Variants in WDR70 observed in about 807,000 individuals in gnomAD.
The protein encoded by WDR70 is WD repeat domain 70.
WDR70 carries 53 observed loss-of-function variants against 88.6 expected under a neutral mutation model. The observed-to-expected ratio is 0.60, with a 90% confidence interval of 0.48 to 0.75. The LOEUF (loss-of-function observed/expected upper bound fraction) is 0.75. Among genes scored for constraint, WDR70 ranks in the 30% least tolerant of loss-of-function variants. The probability of loss-of-function intolerance (pLI) is 0.00; values close to 1 mark genes in which losing one functional copy is unlikely to be tolerated. For synonymous variants in WDR70, 280 were observed against 270.0 expected (o/e 1.04, Z -0.36); for missense variants, 610 against 823.2 (o/e 0.74, Z 3.17).
At chr5:37,740,609 AT>A (rs1347328835) in intron 17 of WDR70, among the ~76,000 whole-genome samples, 1 of 152,198 alleles carries the variant, frequency 6.6e-6, no homozygotes, top group African/African-American at 2.4e-5. Flanking sequence ...TCTGTGGGCC[AT>A]ACTTTGCTTC....
At chr5:37,677,859 G>A (rs926702826) in intron 10 of WDR70, among the ~76,000 whole-genome samples, 4 of 152,118 alleles carry the variant, frequency 2.6e-5, no homozygotes, top group African/African-American at 9.7e-5. Context: ...ATTATTGTGT[G>A]GGAGTCTAAA....
chr5:37,576,268 G>A (rs759931838), intron 9 of WDR70, among the ~76,000 whole-genome samples: 16 of 151,506 alleles, frequency 1.1e-4, no homozygotes, highest in Non-Finnish European at 1.9e-4. Context: ...TCCAGCCACA[G>A]CTTACCTCCA....
intron 5 of WDR70, among the ~76,000 whole-genome samples, chr5:37,415,601 C>G (rs1226251951): frequency 3.6e-5 from 5 of 138,164 alleles, no homozygotes; most frequent in Non-Finnish European, 8.0e-5. Flanking sequence ...GGCGGCTGGC[C>G]GGGCGAGGGG....
intron 17 of WDR70, among the ~76,000 whole-genome samples, chr5:37,737,060 A>T (rs954103677): frequency 2.0e-5 from 3 of 152,184 alleles, no homozygotes; most frequent in Non-Finnish European, 2.9e-5. Context: ...AATATATTCT[A>T]CATACTGCTT....
intron 8 of WDR70, chr5:37,506,305 C>A: frequency 1.1e-6 from 1 of 930,508 alleles, no homozygotes. Context: ...ATTGCCACTT[C>A]TAGGTGTTCA....
intron 13 of WDR70, among the ~76,000 whole-genome samples, chr5:37,704,061 C>T (rs982744427): frequency 1.3e-5 from 2 of 152,082 alleles, no homozygotes; most frequent in South Asian, 2.1e-4. Context: ...TCTTAATTTG[C>T]GGGTTCTGAA....
chr5:37,684,483 A>G (rs1487109233), intron 10 of WDR70, among the ~76,000 whole-genome samples: 4 of 152,054 alleles, frequency 2.6e-5, no homozygotes, highest in South Asian at 2.1e-4. Context: ...CTTTTATCCT[A>G]TTTGATGACT....
At chr5:37,440,127 A>C (rs1274539588) in intron 6 of WDR70, among the ~76,000 whole-genome samples, 3 of 152,114 alleles carry the variant, frequency 2.0e-5, no homozygotes, top group African/African-American at 7.2e-5. Flanking sequence ...AATTATCATC[A>C]TGTTTATTTT....
At chr5:37,418,476 C>T (rs534883720) in intron 5 of WDR70, among the ~76,000 whole-genome samples, 15 of 152,154 alleles carry the variant, frequency 9.9e-5, no homozygotes, top group Non-Finnish European at 1.8e-4. Context: ...ACCGCCACCA[C>T]GCCTGGCTAA....
chr5:37,579,895 G>T (rs189971190), intron 9 of WDR70, among the ~76,000 whole-genome samples: 13 of 151,890 alleles, frequency 8.6e-5, no homozygotes, highest in Middle Eastern at 3.4e-3. Context: ...TTAACACTCC[G>T]TTTTAATTTT....
At chr5:37,624,695 A>G (rs1744617069) in intron 10 of WDR70, among the ~76,000 whole-genome samples, 1 of 152,216 alleles carries the variant, frequency 6.6e-6, no homozygotes, top group African/African-American at 2.4e-5. Context: ...ATCAAAAGAT[A>G]CAGGGGAAAT....
chr5:37,452,948 C>T (rs1283884221), intron 7 of WDR70, among the ~76,000 whole-genome samples: 1 of 152,172 alleles, frequency 6.6e-6, no homozygotes, highest in Non-Finnish European at 1.5e-5. Context: ...GGATTTTGGG[C>T]ATCTCTGACG....
chr5:37,424,407 A>T (rs1010126036), intron 5 of WDR70, among the ~76,000 whole-genome samples: 43 of 142,238 alleles, frequency 3.0e-4, no homozygotes, highest in East Asian at 8.2e-4. Context: ...ATTTTTTTCC[A>T]TTTTTTTTTT....
At chr5:37,702,190 G>C (rs1001257053) in intron 12 of WDR70, among the ~76,000 whole-genome samples, 1 of 152,168 alleles carries the variant, frequency 6.6e-6, no homozygotes, top group East Asian at 1.9e-4. Context: ...GCTGCCCATG[G>C]CATTTTATGT....
At chr5:37,553,290 G>A (rs1018994277) in intron 9 of WDR70, among the ~76,000 whole-genome samples, 9 of 152,286 alleles carry the variant, frequency 5.9e-5, no homozygotes, top group South Asian at 2.1e-4. Context: ...TAGGGGTGGA[G>A]TTAGGGATTG....
In WDR70 at chr5:37,725,807, T is replaced by C. The variant is rs552828610; in HGVS notation, c.1714+757T>C. 5.9e-5 allele frequency among the ~76,000 whole-genome samples: 9 copies of C among 152,224 alleles called. No individual in the cohort carries two copies. In the South Asian group the frequency reaches 1.9e-3, roughly 32 times the overall value. On this transcript the variant is annotated intron_variant, in intron 16 of 17. Transcript: ENST00000265107. Reference sequence around the variant, plus strand: ...TCTCCCACCTCACTTCTATTTGTCTTATACACAGCTTTAATCCCTAACTCC... The same window carrying C: ...TCTCCCACCTCACTTCTATTTGTCTCATACACAGCTTTAATCCCTAACTCC...
chr5:37,449,590 C>CAAAAAA (rs376148041), intron 7 of WDR70, among the ~76,000 whole-genome samples: 8 of 85,718 alleles, frequency 9.3e-5, no homozygotes, highest in African/African-American at 3.0e-4. Context: ...AATTTTGTCT[C>CAAAAAA]AAAAAAAAAA....
At chr5:37,409,748 C>T (rs1749465391) in intron 5 of WDR70, among the ~76,000 whole-genome samples, 1 of 152,038 alleles carries the variant, frequency 6.6e-6, no homozygotes, top group African/African-American at 2.4e-5. Context: ...TCAGGTGATC[C>T]ACCCACCTCG....
intron 5 of WDR70, among the ~76,000 whole-genome samples, chr5:37,405,775 G>A (rs1749334165): frequency 6.6e-6 from 1 of 152,174 alleles, no homozygotes; most frequent in South Asian, 2.1e-4. Flanking sequence ...ACTGGTCGCA[G>A]TGGCTCATGC....
Sources: gnomAD v4.1 joint callset for allele counts (sites outside exome capture counted in the v4.1 genomes callset) on GRCh38, gnomAD v4.1.1 for gene constraint, MANE v1.5 for transcripts, NCBI Gene and HGNC (gene_info 2026-07-23, HGNC 2026-07-21) for gene names.